CHD5: variants seen among roughly 807,000 people sequenced by gnomAD.
The protein encoded by CHD5 is ATP-dependent chromatin remodeler CHD5.
CHD5 carries 69 observed loss-of-function variants against 230.3 expected under a neutral mutation model. The ratio of observed to expected loss-of-function variants is 0.30; its 90% CI spans 0.25 to 0.37. The LOEUF (loss-of-function observed/expected upper bound fraction) is 0.37, where lower values mean the gene tolerates loss of function less well. CHD5 is among the 10% of genes least tolerant of loss of function. CHD5 has a pLI of 1.00. For missense variants in CHD5, 1,827 were observed against 2,622.8 expected (o/e 0.70, Z 6.63); for synonymous variants, 1,064 against 1,065.9 (o/e 1.00, Z 0.03).
chr1:6,175,465 T>C (rs555367113), intron 1 of CHD5, among the ~76,000 whole-genome samples: 1 of 148,538 alleles, frequency 6.7e-6, no homozygotes, highest in Admixed American at 6.7e-5. Context: ...CAGGAATGGA[T>C]GGATGGTGGG....
At chr1:6,156,480 G>A (rs1667082461) in intron 3 of CHD5, among the ~76,000 whole-genome samples, 1 of 148,262 alleles carries the variant, frequency 6.7e-6, no homozygotes, top group Non-Finnish European at 1.5e-5. Context: ...AGGTTGCAGT[G>A]AGCCGAGATG....
In CHD5 at chr1:6,126,874, C is replaced by T. The variant is rs1666567215; in HGVS notation, c.3904-128G>A. On this transcript the variant is annotated intron_variant, in intron 25 of 41. Transcript: ENST00000262450. This position sits in a 1 kb window ranked among gnomAD's most constrained non-coding sequence, Gnocchi z 5.7. The stretch of plus-strand genomic sequence containing the variant: ...AAGGATTAATGGGATGGCCTGCCTA[C>T]TCCAGGAAGCCTTCTCTGATCACCC... 1.3e-6 allele frequency: 1 copy of T among 782,518 alleles called. No individual in the cohort carries two copies. Among genetic ancestry groups the T allele is most frequent in the Admixed American group, 2.7e-5 (1 of 37,660 alleles). 48.5% of individuals were successfully genotyped at this position (782,518 alleles called of 1,614,324 possible).
In CHD5 at chr1:6,103,194, C is replaced by A. The variant is rs1666102353; in HGVS notation, c.*2280G>T. 6.6e-6 allele frequency: 1 copy of A among 152,666 alleles called. No individual in the cohort carries two copies. The highest frequency in any genetic ancestry group is 6.5e-5 in the Admixed American group (1 of 15,312). 9.5% of individuals were successfully genotyped at this position (152,666 alleles called of 1,614,324 possible). On this transcript the variant is annotated 3_prime_UTR_variant, in exon 42 of 42. Coordinates refer to ENST00000262450, the MANE Select transcript of CHD5 (RefSeq NM_015557.3). ...AACCCGCTCTGACTCTAGTAGCCCA[C>A]CCCTCCCGGGCCCCGGGGTGCTGGC...
At chr1:6,119,949 C>T (rs1666443576) in intron 33 of CHD5, among the ~76,000 whole-genome samples, 1 of 151,788 alleles carries the variant, frequency 6.6e-6, no homozygotes, top group African/African-American at 2.4e-5. Flanking sequence ...CAACCTCTGC[C>T]TCCCAGGTTC....
In CHD5 at chr1:6,121,299, G is replaced by C; in HGVS notation, c.4780-62C>G. ...GGCCTCACCAGGAACGGAGGGCGGG[G>C]AACGTGCGCTGGGCTGGGAACCCAG... On this transcript the variant is annotated intron_variant, in intron 32 of 41. Coordinates refer to ENST00000262450, the MANE Select transcript of CHD5 (RefSeq NM_015557.3). The surrounding 1 kb of genome is among the most constrained non-coding windows in gnomAD (Gnocchi z 4.5). 6.3e-7 allele frequency: 1 copy of C among 1,578,920 alleles called. No individual in the cohort carries two copies. The highest frequency in any genetic ancestry group is 8.6e-7 in the Non-Finnish European group (1 of 1,162,950).
chr1:6,121,306 C>A lies in CHD5; in HGVS notation c.4780-69G>T, dbSNP rs180848771. On this transcript the variant is annotated intron_variant, in intron 32 of 41. Coordinates refer to ENST00000262450, the MANE Select transcript of CHD5 (RefSeq NM_015557.3). This position sits in a 1 kb window ranked among gnomAD's most constrained non-coding sequence, Gnocchi z 4.5. ...CCAGGAACGGAGGGCGGGGAACGTG[C>A]GCTGGGCTGGGAACCCAGTCTCCTG... 1.3e-6 allele frequency: 2 copies of A among 1,572,288 alleles called. No homozygotes were observed. Among genetic ancestry groups the A allele is most frequent in the African/African-American group, 1.4e-5 (1 of 73,280 alleles).
rs1666660200 is a variant in CHD5, at chr1:6,131,674, G to A, written c.3219C>T (p.Gly1073=). 1.9e-6 allele frequency: 3 copies of A among 1,613,480 alleles called. No individual in the cohort carries two copies. The highest frequency in any genetic ancestry group is 2.5e-6 in the Non-Finnish European group (3 of 1,179,456). The change falls in exon 21 of 42, where the codon GGC becomes GGT. Residue 1073 remains glycine, a synonymous_variant. Coordinates refer to ENST00000262450, the MANE Select transcript of CHD5 (RefSeq NM_015557.3). This position sits in a 1 kb window ranked among gnomAD's most constrained non-coding sequence, Gnocchi z 5.0. ...EGYKYERIDG[G]ITGGLRQEAI... ...CCTCCTGCCGGAGGCCCCCGGTGAT[G>A]CCACCATCAATCCGCTCATACTTGT... is the stretch of plus-strand genomic sequence containing the variant.
chr1:6,119,870 T>A (rs904642414), intron 33 of CHD5, among the ~76,000 whole-genome samples: 37 of 150,710 alleles, frequency 2.5e-4, no homozygotes, highest in African/African-American at 4.8e-4. Flanking sequence ...ATATATTTTT[T>A]TTTTTTCTGA....
intron 1 of CHD5, among the ~76,000 whole-genome samples, chr1:6,168,813 G>T (rs1384845659): frequency 6.6e-6 from 1 of 152,168 alleles, no homozygotes; most frequent in African/African-American, 2.4e-5. Context: ...GAGGCCAGGA[G>T]TCTGAGACCA....
At position 6,131,018 on chromosome 1, in the gene CHD5, G is replaced by GGCCCCAGCCCCTAAGGGCTGAC. The variant is rs1666648563; in HGVS notation, c.3262+591_3262+612dup. Among the ~76,000 whole-genome samples the GGCCCCAGCCCCTAAGGGCTGAC allele has an allele frequency of 6.6e-6, 1 of 152,258 alleles. No homozygotes were observed. The highest frequency in any genetic ancestry group is 1.5e-5 in the Non-Finnish European group (1 of 68,038). ...ACTGCTTTGGGCGTTTGGAGAGCGT[G>GGCCCCAGCCCCTAAGGGCTGAC]GCCCCAGCCCCTAAGGGCTGACGCC... On this transcript the variant is annotated intron_variant, in intron 21 of 41. Coordinates refer to ENST00000262450, the MANE Select transcript of CHD5 (RefSeq NM_015557.3). This position sits in a 1 kb window ranked among gnomAD's most constrained non-coding sequence, Gnocchi z 5.0.
At chr1:6,135,940 G>A (rs1335137625) in intron 17 of CHD5, among the ~76,000 whole-genome samples, 1 of 152,144 alleles carries the variant, frequency 6.6e-6, no homozygotes, top group African/African-American at 2.4e-5. Flanking sequence ...AACCCAGGAG[G>A]CGGAGGTTGC....
rs554383416 is a variant in CHD5, at chr1:6,105,156, T to G, written c.*318A>C. The G allele has an allele frequency of 1.6e-3, 545 of 343,668 alleles. 4 individuals are homozygous for G. Among genetic ancestry groups the G allele is most frequent in the South Asian group, 2.6e-3 (117 of 45,312 alleles). The allele number at this position is 343,668 out of a possible 1,614,324, so 21.3% of individuals were successfully genotyped here. ...GTCTTCAATAGGAAAGTGCAAAAGATGTACAAATAAATGAAATCTCTTCTA... is the reference window on the plus strand; with the variant it reads ...GTCTTCAATAGGAAAGTGCAAAAGAGGTACAAATAAATGAAATCTCTTCTA... On this transcript the variant is annotated 3_prime_UTR_variant, in exon 42 of 42. Transcript: ENST00000262450. This position sits in a 1 kb window ranked among gnomAD's most constrained non-coding sequence, Gnocchi z 4.8.
Position 6,134,409 on chromosome 1 carries a change from C to A in CHD5, c.3013-150G>T, listed in dbSNP as rs1222623710. On this transcript the variant is annotated intron_variant, in intron 19 of 41. Coordinates refer to ENST00000262450, the MANE Select transcript of CHD5 (RefSeq NM_015557.3). This position sits in a 1 kb window ranked among gnomAD's most constrained non-coding sequence, Gnocchi z 6.3. ...CATGAGACCCACACCCGAGCCAGGC[C>A]AGGCCCCACAGTGCGGGGTAGACCG... 9 of 1,024,590 alleles carry A rather than the reference C, an allele frequency of 8.8e-6. No homozygotes were observed. Among genetic ancestry groups the A allele is most frequent in the Non-Finnish European group, 1.3e-5 (9 of 698,814 alleles). 63.5% of individuals were successfully genotyped at this position (1,024,590 alleles called of 1,614,324 possible).
chr1:6,163,415 G>A (rs986780208), intron 2 of CHD5, among the ~76,000 whole-genome samples: 2 of 152,184 alleles, frequency 1.3e-5, no homozygotes. Context: ...ACCTGCACCA[G>A]ATATCACCTG....
intron 34 of CHD5, among the ~76,000 whole-genome samples, chr1:6,112,586 G>C (rs1017557136): frequency 6.6e-6 from 1 of 152,228 alleles, no homozygotes; most frequent in Admixed American, 6.5e-5. Flanking sequence ...GCTGATCTGA[G>C]GACAACTGTT....
rs201169909 is a variant in CHD5 at position 6,124,672 on chromosome 1, G to C, written c.4395-11C>G. ...AGGGACACATAGGCTCTGGGGTGGG[G>C]GGGGGGGACTGGGGCTCAGGGAGTG... On this transcript the variant is annotated splice_polypyrimidine_tract_variant and intron_variant, in intron 29 of 41. Coordinates refer to ENST00000262450, the MANE Select transcript of CHD5 (RefSeq NM_015557.3). 34 of 1,223,292 alleles carry C rather than the reference G, an allele frequency of 2.8e-5. No homozygotes were observed. Among genetic ancestry groups the C allele is most frequent in the South Asian group, 5.4e-5 (4 of 74,114 alleles). The allele number at this position is 1,223,292 out of a possible 1,614,324, so 75.8% of individuals were successfully genotyped here.
In CHD5 at chr1:6,134,227, A is replaced by G. The variant is rs1350205335; in HGVS notation, c.3045T>C (p.Asp1015=). The change falls in exon 20 of 42, where the codon GAT becomes GAC. Residue 1015 remains aspartate, a synonymous_variant. Transcript: ENST00000262450. This position sits in a 1 kb window ranked among gnomAD's most constrained non-coding sequence, Gnocchi z 6.3. ...CTGAAGACTTGACCAGGGAGCTTCC[A>G]TCGTAGGAGCCATTGGGCAAGACAG... is the stretch of plus-strand genomic sequence containing the variant. ...EAPVLPNGSY[D]GSSLVKSSGK... is the part of the protein sequence containing the mutation. 1 of 1,613,748 alleles carries G rather than the reference A, an allele frequency of 6.2e-7. No homozygotes were observed. Among genetic ancestry groups the G allele is most frequent in the Non-Finnish European group, 8.5e-7 (1 of 1,179,988 alleles).
chr1:6,174,016 C>G (rs1667380282), intron 1 of CHD5, among the ~76,000 whole-genome samples: 1 of 152,026 alleles, frequency 6.6e-6, no homozygotes, highest in African/African-American at 2.4e-5. Flanking sequence ...GAGGCATTTA[C>G]CCCAAGTGAC....
chr1:6,154,428 C>T lies in CHD5; in HGVS notation c.745+232G>A, dbSNP rs1024002386. On this transcript the variant is annotated intron_variant, in intron 5 of 41. Coordinates refer to ENST00000262450, the MANE Select transcript of CHD5 (RefSeq NM_015557.3). The surrounding 1 kb of genome is among the most constrained non-coding windows in gnomAD (Gnocchi z 7.0). ...CCTCCCAGACCTCTGCCCACATCAT[C>T]GCCTCTGCTTCTCCACCAACCCCAA... Among the ~76,000 whole-genome samples, 8 of 152,196 alleles carry T rather than the reference C, an allele frequency of 5.3e-5. No individual in the cohort carries two copies. Among genetic ancestry groups the T allele is most frequent in the African/African-American group, 1.4e-4 (6 of 41,452 alleles).
Sources: allele counts gnomAD v4.1 joint callset (sites outside exome capture counted in the v4.1 genomes callset), GRCh38; gene constraint gnomAD v4.1.1; non-coding constraint Gnocchi (gnomAD v3.1); transcripts MANE v1.5; gene names NCBI Gene and HGNC (gene_info 2026-07-23, HGNC 2026-07-21).